NYAP2: variants seen among roughly 807,000 people sequenced by gnomAD.
The protein encoded by NYAP2 is neuronal tyrosine-phosphorylated phosphoinositide-3-kinase adapter 2.
In NYAP2, 23 loss-of-function variants were observed where a neutral mutation model predicts 50.4. The observed-to-expected ratio is 0.46, with a 90% confidence interval of 0.33 to 0.65. The LOEUF is 0.65. Ranked by LOEUF, NYAP2 falls within the 30% of genes least tolerant of loss-of-function variation. The probability of loss-of-function intolerance (pLI) is 0.02; values close to 1 mark genes in which losing one functional copy is unlikely to be tolerated. For synonymous variants in NYAP2, 394 were observed against 365.2 expected, an observed-to-expected ratio of 1.08 and a Z score of -0.90; for missense variants, 885 against 861.0, an observed-to-expected ratio of 1.03 and a Z score of -0.35.
Position 225,498,327 on chromosome 2 carries a change from G to C in NYAP2, c.222-15044G>C, listed in dbSNP as rs140582427. ...GAAAGTTTAAGAAAGAAGTGGCATT[G>C]GTTTAGGCCCTGAATAACTTGAGAT... On this transcript the variant is annotated intron_variant, in intron 3 of 6. Coordinates refer to ENST00000636099, the Ensembl canonical transcript of NYAP2. Among the ~76,000 whole-genome samples, 314 of 152,222 alleles carry C rather than the reference G, an allele frequency of 2.1e-3. 1 individual carries two copies. Among genetic ancestry groups the C allele is most frequent in the African/African-American group, 7.3e-3 (302 of 41,532 alleles).
At chr2:225,613,675 T>C (rs907908023) in intron 5 of NYAP2, among the ~76,000 whole-genome samples, 1 of 152,196 alleles carries the variant, frequency 6.6e-6, no homozygotes, top group Admixed American at 6.5e-5. Flanking sequence ...TAAGACATCA[T>C]GTAGAAGAAC....
At chr2:225,557,527 A>G (rs910890417) in intron 4 of NYAP2, among the ~76,000 whole-genome samples, 1 of 152,192 alleles carries the variant, frequency 6.6e-6, no homozygotes, top group Non-Finnish European at 1.5e-5. Flanking sequence ...AAACATAAAT[A>G]TAATTTCAGA....
intron 4 of NYAP2, among the ~76,000 whole-genome samples, chr2:225,516,103 T>C (rs1484150805): frequency 2.6e-5 from 4 of 152,148 alleles, no homozygotes; most frequent in Non-Finnish European, 5.9e-5. Flanking sequence ...AAATCGTGAT[T>C]ACTGTCCCAC....
chr2:225,694,569 A>G, the NYAP2 span, among the ~76,000 whole-genome samples: 1 of 151,886 alleles, frequency 6.6e-6, no homozygotes, highest in South Asian at 2.1e-4. Context: ...ATGACTATGC[A>G]CCCAAACATG....
At chr2:225,498,777 T>C (rs1054455830) in intron 3 of NYAP2, among the ~76,000 whole-genome samples, 3 of 152,126 alleles carry the variant, frequency 2.0e-5, no homozygotes, top group East Asian at 3.9e-4. Context: ...AGGAAGTATA[T>C]AGGTGTCAAA....
chr2:225,687,106 A>T, the NYAP2 span, among the ~76,000 whole-genome samples: 678 of 152,198 alleles, frequency 4.5e-3, 9 homozygotes, highest in African/African-American at 0.015. Context: ...TTAGCATGTG[A>T]TATATTTAGT....
At chr2:225,569,438 AG>A (rs142034293) in intron 4 of NYAP2, among the ~76,000 whole-genome samples, 3,825 of 152,008 alleles carry the variant, frequency 0.025, 156 homozygotes, top group African/African-American at 0.087. Context: ...AGGAGGAGTG[AG>A]GGGGGGAGGT....
chr2:225,531,766 C>T (rs570672543), intron 4 of NYAP2, among the ~76,000 whole-genome samples: 1 of 152,204 alleles, frequency 6.6e-6, no homozygotes, highest in African/African-American at 2.4e-5. Context: ...TCACTCAGGC[C>T]CTGCTTTGTT....
intron 3 of NYAP2, among the ~76,000 whole-genome samples, chr2:225,491,938 C>A (rs113002921): frequency 1.8e-4 from 27 of 152,278 alleles, no homozygotes; most frequent in African/African-American, 5.5e-4. Context: ...AAAACCTATA[C>A]CCTATCTGGC....
At chr2:225,405,325 C>T (rs1694921537) in intron 2 of NYAP2, among the ~76,000 whole-genome samples, 1 of 151,900 alleles carries the variant, frequency 6.6e-6, no homozygotes, top group South Asian at 2.1e-4. Context: ...GGAGAGGGGA[C>T]ATTTGCCTCT....
At chr2:225,594,712 A>AT (rs988986245) in intron 5 of NYAP2, among the ~76,000 whole-genome samples, 7 of 152,056 alleles carry the variant, frequency 4.6e-5, no homozygotes, top group East Asian at 1.9e-4. Flanking sequence ...TGATAAAATA[A>AT]TTTTTTTTGG....
At chr2:225,452,290 T>G (rs1210505562) in intron 3 of NYAP2, among the ~76,000 whole-genome samples, 2 of 152,204 alleles carry the variant, frequency 1.3e-5, no homozygotes, top group African/African-American at 2.4e-5. Flanking sequence ...GAGTTAATAT[T>G]GTAAGTTGCA....
chr2:225,682,731 A>T, the NYAP2 span, among the ~76,000 whole-genome samples: 5 of 152,180 alleles, frequency 3.3e-5, no homozygotes, highest in Admixed American at 6.5e-5. Context: ...CTTTGGAATG[A>T]GACCTAGGAG....
intron 6 of NYAP2, among the ~76,000 whole-genome samples, chr2:225,644,826 G>C (rs1023822299): frequency 1.3e-5 from 2 of 151,656 alleles, no homozygotes; most frequent in Non-Finnish European, 2.9e-5. Flanking sequence ...CCAGTACCAT[G>C]CTGTTTTGGT....
At chr2:225,505,067 G>A (rs1551422) in intron 3 of NYAP2, among the ~76,000 whole-genome samples, 90,673 of 151,484 alleles carry the variant, frequency 0.6, 28,076 homozygotes, top group African/African-American at 0.76. Flanking sequence ...TGGAACTAAT[G>A]GAAACTGAGT....
At chr2:225,416,894 A>G (rs947351486) in intron 3 of NYAP2, among the ~76,000 whole-genome samples, 4 of 152,302 alleles carry the variant, frequency 2.6e-5, no homozygotes, top group Admixed American at 1.3e-4. Flanking sequence ...AGGAAATTGC[A>G]GTGAAGAGTG....
intron 5 of NYAP2, among the ~76,000 whole-genome samples, chr2:225,599,720 C>A (rs897979340): frequency 6.6e-6 from 1 of 152,136 alleles, no homozygotes; most frequent in African/African-American, 2.4e-5. Context: ...AATTCAAAGT[C>A]CAGGATACTA....
chr2:225,583,072 G>A (rs1199320145), intron 5 of NYAP2, 37 bp downstream of exon 5: 2 of 1,587,376 alleles, frequency 1.3e-6, no homozygotes, highest in Admixed American at 3.4e-5. Context: ...CCAGAGCCCA[G>A]TGCCAGGCTT....
intron 4 of NYAP2, among the ~76,000 whole-genome samples, chr2:225,555,868 C>T (rs953597279): frequency 6.6e-6 from 1 of 152,168 alleles, no homozygotes; most frequent in African/African-American, 2.4e-5. Context: ...CAGTTCCATT[C>T]ACTTTGGGCA....
Sources: gnomAD v4.1 joint callset for allele counts (sites outside exome capture counted in the v4.1 genomes callset) on GRCh38, gnomAD v4.1.1 for gene constraint, MANE v1.5 for transcripts, NCBI Gene and HGNC (gene_info 2026-07-23, HGNC 2026-07-21) for gene names.